Variants in ABCA12 observed in about 807,000 individuals in gnomAD.
ABCA12 encodes the protein glucosylceramide transporter ABCA12.
ABCA12 carries 156 observed loss-of-function variants against 293.5 expected under a neutral mutation model. The ratio of observed to expected loss-of-function variants is 0.53; its 90% CI spans 0.47 to 0.61. The LOEUF is 0.61. ABCA12 is among the 20% of genes least tolerant of loss of function. ABCA12 has a pLI of 0.00. For synonymous variants in ABCA12, 1,063 were observed against 1,108.0 expected, an observed-to-expected ratio of 0.96 and a Z score of 0.81; for missense variants, 2,797 against 3,090.2, an observed-to-expected ratio of 0.91 and a Z score of 2.25.
At chr2:215,069,473 GT>G (rs1325615390) in intron 2 of ABCA12, among the ~76,000 whole-genome samples, 5 of 150,074 alleles carry the variant, frequency 3.3e-5, no homozygotes, top group East Asian at 3.9e-4. Flanking sequence ...ATTTATTAAC[GT>G]TTTTTTTTAA....
intron 15 of ABCA12, among the ~76,000 whole-genome samples, chr2:215,015,153 T>C (rs1490345813): frequency 1.6e-5 from 1 of 64,158 alleles, no homozygotes; most frequent in African/African-American, 2.9e-5. Context: ...TTCATGTCTG[T>C]TCACTGTTAA....
At chr2:215,073,031 G>A (rs1265648346) in intron 2 of ABCA12, among the ~76,000 whole-genome samples, 2 of 152,136 alleles carry the variant, frequency 1.3e-5, no homozygotes, top group East Asian at 1.9e-4. Flanking sequence ...GGAGGCGGAG[G>A]TTGCAGTGAG....
chr2:215,090,324 G>T (rs138952825), intron 2 of ABCA12, among the ~76,000 whole-genome samples: 4 of 152,052 alleles, frequency 2.6e-5, no homozygotes, highest in Non-Finnish European at 5.9e-5. Flanking sequence ...CTGAAGACCC[G>T]GGACAGGAGG....
chr2:215,048,554 T>TAC (rs1701251014), intron 6 of ABCA12, among the ~76,000 whole-genome samples: 2 of 137,188 alleles, frequency 1.5e-5, no homozygotes, highest in African/African-American at 5.7e-5. Context: ...AAAAAAAAAA[T>TAC]TAGCTGGGTG....
rs756023766 is a variant in ABCA12, at chr2:214,979,008, G to A, written c.4773C>T (p.Asp1591=). The A allele has an allele frequency of 1.9e-5, 31 of 1,613,954 alleles. No homozygotes were observed. Among genetic ancestry groups the A allele is most frequent in the Non-Finnish European group, 2.6e-5 (31 of 1,179,980 alleles). Reference sequence around the variant, plus strand: ...GGATCATTGCTGTCACGGCCATGGTGTCACATACTGCATTTGCATTTAAAT... The same window carrying A: ...GGATCATTGCTGTCACGGCCATGGTATCACATACTGCATTTGCATTTAAAT... ...SPNLNANAVC[D]TMAVTAMIQS... is the part of the protein sequence containing the mutation. Residue 1591 remains aspartate (D), a synonymous_variant, in exon 32 of 53, where the codon GAC becomes GAT. Transcript: ENST00000272895.
intron 50 of ABCA12, among the ~76,000 whole-genome samples, chr2:214,939,250 T>C (rs1247915871): frequency 6.6e-6 from 1 of 152,216 alleles, no homozygotes; most frequent in Admixed American, 6.5e-5. Flanking sequence ...TTTTGTCAGC[T>C]TTGTCAAAGA....
At chr2:215,054,479 T>C in intron 4 of ABCA12, 94 bp downstream of exon 4, 1 of 1,115,104 alleles carries the variant, frequency 9.0e-7, no homozygotes, top group South Asian at 1.2e-5. Context: ...CATTCCTTCT[T>C]TGTTTGAAAA....
rs754704278 is a variant in ABCA12 at position 214,990,690 on chromosome 2, C to T, written c.3624+12G>A. ...GTAATTTCCCACTCTGCCATTCCAA[C>T]GGTTGACTTACCATGAACACTTTCA... On this transcript the variant is annotated intron_variant, in intron 24 of 52. Coordinates refer to ENST00000272895, the MANE Select transcript of ABCA12 (RefSeq NM_173076.3). The T allele has an allele frequency of 5.0e-6, 8 of 1,612,972 alleles. No homozygotes were observed. Among genetic ancestry groups the T allele is most frequent in the African/African-American group, 2.7e-5 (2 of 74,880 alleles).
At chr2:215,099,211 C>T (rs1702303874) in intron 2 of ABCA12, among the ~76,000 whole-genome samples, 1 of 152,212 alleles carries the variant, frequency 6.6e-6, no homozygotes, top group South Asian at 2.1e-4. Flanking sequence ...GCTTCAAGGC[C>T]CAGCTGGGGA....
chr2:214,956,058 A>G (rs1698938477), intron 42 of ABCA12, among the ~76,000 whole-genome samples: 1 of 152,188 alleles, frequency 6.6e-6, no homozygotes, highest in Admixed American at 6.5e-5. Context: ...TTTGAGCAAA[A>G]CCTTGAGCAA....
Position 214,950,561 on chromosome 2 carries a change from G to C in ABCA12, c.6852+318C>G, listed in dbSNP as rs922909361. Among the ~76,000 whole-genome samples the C allele has an allele frequency of 3.3e-5, 5 of 149,276 alleles. No individual in the cohort carries two copies. In the South Asian group the frequency reaches 6.3e-4, roughly 19 times the overall value. The stretch of plus-strand genomic sequence containing the variant: ...ACTCTGTCACCCAGGCAGGAGTGCA[G>C]TGATACAATCTTGGCTCACTGCAGC... On this transcript the variant is annotated intron_variant, in intron 45 of 52. Coordinates refer to ENST00000272895, the MANE Select transcript of ABCA12 (RefSeq NM_173076.3).
intron 30 of ABCA12, 139 bp downstream of exon 30, chr2:214,982,048 G>A (rs1267929476): frequency 1.0e-5 from 8 of 784,774 alleles, no homozygotes; most frequent in Non-Finnish European, 1.7e-5. Context: ...CCAGGCTCAA[G>A]CAATCCTCCT....
intron 40 of ABCA12, among the ~76,000 whole-genome samples, chr2:214,958,715 C>T (rs1699028012): frequency 6.6e-6 from 1 of 152,090 alleles, no homozygotes; most frequent in Non-Finnish European, 1.5e-5. Context: ...AGAGTCTATG[C>T]AAGGGATATA....
intron 50 of ABCA12, 117 bp from the exon 51 acceptor site, chr2:214,937,732 T>A: frequency 1.4e-6 from 1 of 731,118 alleles, no homozygotes; most frequent in East Asian, 2.8e-5. Context: ...TTTCTTTATA[T>A]GAAGACTATC....
intron 1 of ABCA12, among the ~76,000 whole-genome samples, chr2:215,113,305 G>A (rs1702616787): frequency 6.6e-6 from 1 of 152,226 alleles, no homozygotes; most frequent in South Asian, 2.1e-4. Context: ...AAAAATGGAA[G>A]TTCACAAAGT....
intron 2 of ABCA12, among the ~76,000 whole-genome samples, chr2:215,090,024 G>A (rs2372483): frequency 9.9e-5 from 15 of 151,956 alleles, no homozygotes; most frequent in Non-Finnish European, 1.5e-4. Context: ...GAAAATGGCC[G>A]GTTCCTGCCT....
intron 8 of ABCA12, among the ~76,000 whole-genome samples, chr2:215,036,071 C>T (rs1043909270): frequency 2.0e-5 from 3 of 151,994 alleles, no homozygotes; most frequent in Admixed American, 6.6e-5. Flanking sequence ...TTCTAATGGA[C>T]GTCAAGACCA....
chr2:214,944,397 G>A (rs534722251), intron 49 of ABCA12, among the ~76,000 whole-genome samples: 2 of 151,194 alleles, frequency 1.3e-5, no homozygotes, highest in Admixed American at 6.6e-5. Context: ...GGGTGACAGA[G>A]TAAGACTCTG....
At chr2:215,031,790 T>C in intron 9 of ABCA12, 31 bp downstream of exon 9, 1 of 1,613,332 alleles carries the variant, frequency 6.2e-7, no homozygotes, top group Non-Finnish European at 8.5e-7. Flanking sequence ...AGCCAAGTTA[T>C]CTACCTATTT....
Sources: gnomAD v4.1 joint callset for allele counts (sites outside exome capture counted in the v4.1 genomes callset) on GRCh38, gnomAD v4.1.1 for gene constraint, MANE v1.5 for transcripts, NCBI Gene and HGNC (gene_info 2026-07-23, HGNC 2026-07-21) for gene names.